The following UBASH3B variants were observed in gnomAD, a reference collection of about 807,000 sequenced individuals.
UBASH3B encodes ubiquitin-associated and SH3 domain-containing protein B.
Under a neutral mutation model 83.4 loss-of-function variants are expected in UBASH3B, and 37 were observed. That is an observed-to-expected ratio of 0.44 (90% confidence interval 0.34 to 0.58). UBASH3B has a LOEUF of 0.58. Among genes scored for constraint, UBASH3B ranks in the 20% least tolerant of loss-of-function variants. The pLI, the probability that UBASH3B is intolerant of heterozygous loss-of-function variation, is 0.01. For missense variants in UBASH3B, 657 were observed against 827.2 expected (o/e 0.79, Z 2.52); for synonymous variants, 304 against 318.3 (o/e 0.96, Z 0.48).
At chr11:122,748,646 C>G (rs956966143) in intron 1 of UBASH3B, among the ~76,000 whole-genome samples, 15 of 152,128 alleles carry the variant, frequency 9.9e-5, no homozygotes, top group Non-Finnish European at 1.9e-4. Context: ...CATTTCCTCC[C>G]GTCCACAGAA....
At chr11:122,689,034 A>T (rs10750220) in intron 1 of UBASH3B, among the ~76,000 whole-genome samples, 133,908 of 149,006 alleles carry the variant, frequency 0.9, 60,409 homozygotes, top group East Asian at 0.99. Context: ...TCCTGACCTC[A>T]AGTGATCCAC....
At chr11:122,783,336 A>G in intron 5 of UBASH3B, 114 bp downstream of exon 5, 2 of 1,270,960 alleles carry the variant, frequency 1.6e-6, no homozygotes, top group Non-Finnish European at 1.1e-6. Flanking sequence ...GCAAGCACCT[A>G]ACAGAGAGTC....
chr11:122,663,932 C>A (rs1565521147), intron 1 of UBASH3B, among the ~76,000 whole-genome samples: 2 of 152,212 alleles, frequency 1.3e-5, no homozygotes, highest in African/African-American at 4.8e-5. Flanking sequence ...ACCACGCAAA[C>A]AGCTGGAGAG....
In UBASH3B at chr11:122,799,001, C is replaced by T. The variant is rs949908246; in HGVS notation, c.1417C>T (p.Arg473Cys). The change falls in exon 10 of 14, where the codon CGC becomes TGC. Residue 473 changes from arginine (R) to cysteine (C), a missense_variant. Arg to Cys is a radical substitution (Grantham distance 180). Transcript: ENST00000284273. ...TCATGTCTATTGCTCCCCGTCCCTT[C>T]GCTGCGTTCAGACTGCACACAATAT... ...IDHVYCSPSL[R>C]CVQTAHNILK... 5.0e-6 allele frequency: 8 copies of T among 1,614,102 alleles called. No homozygotes were observed. Among genetic ancestry groups the T allele is most frequent in the African/African-American group, 1.3e-5 (1 of 75,042 alleles).
intron 5 of UBASH3B, among the ~76,000 whole-genome samples, chr11:122,787,880 A>C (rs952234698): frequency 6.6e-6 from 1 of 152,234 alleles, no homozygotes; most frequent in Non-Finnish European, 1.5e-5. Context: ...ACCCTAGAAA[A>C]CAGTAAAAGC....
intron 1 of UBASH3B, among the ~76,000 whole-genome samples, chr11:122,726,475 G>A (rs1022078208): frequency 2.7e-5 from 4 of 150,550 alleles, no homozygotes; most frequent in Non-Finnish European, 3.0e-5. Context: ...TCAGCCTCCC[G>A]AGTAGCTGGG....
intron 1 of UBASH3B, among the ~76,000 whole-genome samples, chr11:122,669,358 T>C (rs529726270): frequency 7.9e-5 from 12 of 152,288 alleles, no homozygotes; most frequent in Middle Eastern, 3.4e-3. Flanking sequence ...GCCCTCCTCA[T>C]CATCATCACC....
chr11:122,707,759 C>T lies in UBASH3B; in HGVS notation c.161+51549C>T, dbSNP rs533177946. 4.5e-5 allele frequency among the ~76,000 whole-genome samples: 6 copies of T among 134,374 alleles called. No homozygotes were observed. The East Asian group carries it at 9.5e-4, about 21-fold the overall frequency. The allele number at this position is 134,374 out of a possible 152,430, so 88.2% of individuals were successfully genotyped here. A position where few individuals can be genotyped will look rare whatever the true frequency, so the allele number is the denominator to read the frequency against. On this transcript the variant is annotated intron_variant, in intron 1 of 13. Coordinates refer to ENST00000284273, the MANE Select transcript of UBASH3B (RefSeq NM_032873.5). The stretch of plus-strand genomic sequence containing the variant: ...TGTTACCCAGGCTGGAGTGCAGTTG[C>T]GCAGTCTTGGCTCACTGCAACCTCC...
At chr11:122,751,349 G>A (rs897573978) in intron 1 of UBASH3B, among the ~76,000 whole-genome samples, 8 of 152,166 alleles carry the variant, frequency 5.3e-5, no homozygotes, top group Admixed American at 2.6e-4. Flanking sequence ...CACGCCCCAG[G>A]AGCTAAGAAG....
chr11:122,673,288 A>G (rs1863623673), intron 1 of UBASH3B, among the ~76,000 whole-genome samples: 1 of 152,124 alleles, frequency 6.6e-6, no homozygotes, highest in Non-Finnish European at 1.5e-5. Flanking sequence ...TTGAATTTGT[A>G]AGTTAGGAGG....
intron 1 of UBASH3B, among the ~76,000 whole-genome samples, chr11:122,660,820 C>T (rs1591758096): frequency 6.6e-6 from 1 of 152,102 alleles, no homozygotes; most frequent in African/African-American, 2.4e-5. Flanking sequence ...TTTAATGTTT[C>T]CAGTGATTAA....
intron 1 of UBASH3B, among the ~76,000 whole-genome samples, chr11:122,757,444 A>G (rs1296403608): frequency 1.3e-5 from 2 of 152,182 alleles, no homozygotes; most frequent in East Asian, 3.9e-4. Flanking sequence ...ATACATTTCT[A>G]TTGTCCATGA....
Position 122,777,166 on chromosome 11 carries a change from G to A in UBASH3B, c.358G>A (p.Ala120Thr). Residue 120 changes from alanine (A) to threonine (T), a missense_variant, in exon 3 of 14, where the codon GCA becomes ACA. Coordinates refer to ENST00000284273, the MANE Select transcript of UBASH3B (RefSeq NM_032873.5). ...GAAGCAGATCTGCGGGAAGAACAAG[G>A]CACACAACATCTTCCCCCACATCAC... ...QSKQICGKNK[A>T]HNIFPHITLC... The A allele has an allele frequency of 6.2e-7, 1 of 1,613,912 alleles. No homozygotes were observed. Among genetic ancestry groups the A allele is most frequent in the Non-Finnish European group, 8.5e-7 (1 of 1,179,920 alleles).
Position 122,759,409 on chromosome 11 carries a change from T to G in UBASH3B, c.162-16810T>G, listed in dbSNP as rs1049055900. 6.6e-6 allele frequency among the ~76,000 whole-genome samples: 1 copy of G among 152,172 alleles called. No individual in the cohort carries two copies. The highest frequency in any genetic ancestry group is 1.5e-5 in the Non-Finnish European group (1 of 68,006). The stretch of plus-strand genomic sequence containing the variant: ...TTTTCCACTGACCCGGGTGGTGGTG[T>G]GATGGTTTGGGGATGATTCAAGTGC... On this transcript the variant is annotated intron_variant, in intron 1 of 13. Transcript: ENST00000284273. The surrounding 1 kb of genome is among the most constrained non-coding windows in gnomAD (Gnocchi z 4.1).
In UBASH3B at chr11:122,800,762, C is replaced by G. The variant is rs115132001; in HGVS notation, c.1451-426C>G. Among the ~76,000 whole-genome samples, 1,419 of 151,996 alleles carry G rather than the reference C, an allele frequency of 9.3e-3. 17 individuals are homozygous for G. The highest frequency in any genetic ancestry group is 0.032 in the African/African-American group (1,340 of 41,466). On this transcript the variant is annotated intron_variant, in intron 10 of 13. Transcript: ENST00000284273. The stretch of plus-strand genomic sequence containing the variant: ...TGCTGGGACCACAAGTGCACGCCTC[C>G]ACACCCTGTTAATGTTTGTATTTTT...
Position 122,789,254 on chromosome 11 carries a change from T to C in UBASH3B, c.926T>C (p.Leu309Pro), listed in dbSNP as rs1861010624. Residue 309 changes from leucine to proline, a missense_variant, in exon 6 of 14, where the codon CTG becomes CCG. Coordinates refer to ENST00000284273, the MANE Select transcript of UBASH3B (RefSeq NM_032873.5). ...TSLTTGCSGL[L>P]PENYITKADE... is the part of the protein sequence containing the mutation. ...TTAACCACCGGCTGCTCTGGACTCC[T>C]GCCTGAGAATTACATTACCAAGGCT... 1 of 1,614,120 alleles carries C rather than the reference T, an allele frequency of 6.2e-7. No individual in the cohort carries two copies. Among genetic ancestry groups the C allele is most frequent in the Admixed American group, 1.7e-5 (1 of 60,012 alleles).
At position 122,813,075 on chromosome 11, in the gene UBASH3B, C is replaced by T. The variant is rs1407962815; in HGVS notation, c.*3189C>T. On this transcript the variant is annotated 3_prime_UTR_variant, in exon 14 of 14. Coordinates refer to ENST00000284273, the MANE Select transcript of UBASH3B (RefSeq NM_032873.5). Reference sequence around the variant, plus strand: ...AACCAAAGAATTATTTTAAAGTAACCTTATATTTAAAAGATGATTTTGCAA... The same window carrying T: ...AACCAAAGAATTATTTTAAAGTAACTTTATATTTAAAAGATGATTTTGCAA... 2.0e-5 allele frequency: 3 copies of T among 152,326 alleles called. No individual in the cohort carries two copies. Among genetic ancestry groups the T allele is most frequent in the Non-Finnish European group, 4.4e-5 (3 of 67,984 alleles). The allele number at this position is 152,326 out of a possible 1,614,324, so 9.4% of individuals were successfully genotyped here. A position where few individuals can be genotyped will look rare whatever the true frequency, so the allele number is the denominator to read the frequency against.
intron 1 of UBASH3B, among the ~76,000 whole-genome samples, chr11:122,658,700 C>T (rs758127207): frequency 2.0e-5 from 3 of 152,232 alleles, no homozygotes; most frequent in Non-Finnish European, 4.4e-5. Context: ...CCAGGCCTCA[C>T]ACCATCTAGG....
In UBASH3B at chr11:122,809,861, G is replaced by T; in HGVS notation, c.1925G>T (p.Trp642Leu). 6.2e-7 allele frequency: 1 copy of T among 1,614,140 alleles called. No homozygotes were observed. The highest frequency in any genetic ancestry group is 1.7e-5 in the Admixed American group (1 of 60,014). Residue 642 changes from tryptophan to leucine, a missense_variant, in exon 14 of 14, where the codon TGG (tryptophan) becomes TTG (leucine). By Grantham distance (61) the Trp-to-Leu change is moderately conservative. This residue lies in a region of UBASH3B where 573 missense variants were observed against 739.0 expected (regional missense o/e 0.78). Coordinates refer to ENST00000284273, the MANE Select transcript of UBASH3B (RefSeq NM_032873.5). Reference protein sequence around the residue: ...LTHGPTGGFNWRETLLQE With the variant: ...LTHGPTGGFNLRETLLQE ...CATGGACCAACTGGGGGCTTCAACT[G>T]GAGAGAGACCTTGCTTCAAGAATAA...
Sources: allele counts gnomAD v4.1 joint callset (sites outside exome capture counted in the v4.1 genomes callset), GRCh38; gene constraint gnomAD v4.1.1; regional missense constraint gnomAD v4.1.1; non-coding constraint Gnocchi (gnomAD v3.1); transcripts MANE v1.5; gene names NCBI Gene and HGNC (gene_info 2026-07-23, HGNC 2026-07-21).